ZNF846: variants seen among roughly 807,000 people sequenced by gnomAD.
ZNF846 encodes the protein zinc finger protein 846.
ZNF846 carries 15 observed loss-of-function variants against 16.0 expected under a neutral mutation model. The ratio of observed to expected loss-of-function variants is 0.94; its 90% CI spans 0.63 to 1.45. The LOEUF is 1.45. ZNF846 is among the 40% of genes most tolerant of loss of function. The pLI, the probability that ZNF846 is intolerant of heterozygous loss-of-function variation, is 0.00. For missense variants in ZNF846, 714 were observed against 622.3 expected, an observed-to-expected ratio of 1.15 and a Z score of -1.57; for synonymous variants, 229 against 212.0, an observed-to-expected ratio of 1.08 and a Z score of -0.70.
chr19:9,757,240 T>A (rs188276719), downstream of ZNF846, among the ~76,000 whole-genome samples: 1 of 151,632 alleles, frequency 6.6e-6, no homozygotes, highest in Non-Finnish European at 1.5e-5. Context: ...AACAAAGGCT[T>A]TACCACATGC....
intron 1 of ZNF846, among the ~76,000 whole-genome samples, chr19:9,765,282 G>A (rs1487849611): frequency 6.6e-6 from 1 of 152,196 alleles, no homozygotes; most frequent in African/African-American, 2.4e-5. Context: ...GGCCGAGGTG[G>A]GGGAATCACT....
chr19:9,765,975 GA>G (rs1425564270), intron 1 of ZNF846, among the ~76,000 whole-genome samples: 1 of 151,808 alleles, frequency 6.6e-6, no homozygotes, highest in Non-Finnish European at 1.5e-5. Flanking sequence ...AAGAATAAAA[GA>G]AAAAATACTC....
rs1333053563 is a variant in ZNF846, at chr19:9,762,047, C to T, written c.229+35G>A. 20 of 1,562,288 alleles carry T rather than the reference C, an allele frequency of 1.3e-5. No individual in the cohort carries two copies. The Admixed American group carries it at 3.0e-4, about 23-fold the overall frequency. On this transcript the variant is annotated intron_variant, in intron 4 of 5. Transcript: ENST00000397902. ...CTGCATGTCTCCTAGGGTGGCACAG[C>T]AGTGCCATAATACCACATCTGCTTA...
At chr19:9,768,916 GATCA>G (rs1330860292), upstream of ZNF846, among the ~76,000 whole-genome samples, 2 of 152,060 alleles carry the variant, frequency 1.3e-5, no homozygotes, top group Non-Finnish European at 2.9e-5. Context: ...CCAGGATCCA[GATCA>G]ATCTGTCGAT....
At position 9,776,212 on chromosome 19, in the gene ZNF846, G is replaced by C. The variant is rs117085323; in HGVS notation, c.-86+9726C>G. ...AAAGGGAGTCTCCTTTTCCCCGGGGGGGTTTATAGAAGACTCTGCTCCTCC... is the reference window on the plus strand; with the variant it reads ...AAAGGGAGTCTCCTTTTCCCCGGGGCGGTTTATAGAAGACTCTGCTCCTCC... On this transcript the variant is annotated intron_variant, in intron 1 of 4. Transcript: ENST00000586814. Among the ~76,000 whole-genome samples the C allele has an allele frequency of 3.9e-3, 593 of 152,306 alleles. 4 individuals carry two copies. The highest frequency in any genetic ancestry group is 7.6e-3 in the Admixed American group (116 of 15,300).
exon 1 of ZNF846, chr19:9,768,605 T>C (rs2045357615): frequency 6.6e-6 from 1 of 152,098 alleles, no homozygotes; most frequent in Admixed American, 6.6e-5. Flanking sequence ...CTAGCAGAAG[T>C]CCGGAGCGTC....
downstream of ZNF846, among the ~76,000 whole-genome samples, chr19:9,748,719 G>C (rs913663886): frequency 6.6e-6 from 1 of 152,050 alleles, no homozygotes. Context: ...AAAAAGACTG[G>C]ACAGTACTTT....
chr19:9,778,468 C>T (rs1049533974), intron 1 of ZNF846, among the ~76,000 whole-genome samples: 1 of 152,032 alleles, frequency 6.6e-6, no homozygotes, highest in Non-Finnish European at 1.5e-5. Flanking sequence ...GACCTACCTC[C>T]CAATTTACAG....
At chr19:9,784,014 A>AT (rs962105619) in intron 1 of ZNF846, among the ~76,000 whole-genome samples, 14 of 151,818 alleles carry the variant, frequency 9.2e-5, no homozygotes, top group East Asian at 1.9e-4. Flanking sequence ...GATAATGGTG[A>AT]TTTTTTTTCC....
chr19:9,752,513 G>T, downstream of ZNF846: 1 of 287,700 alleles, frequency 3.5e-6, no homozygotes, highest in Non-Finnish European at 7.3e-6. Context: ...TACTCGGGAG[G>T]CTGAAGCAGG....
At chr19:9,754,022 T>G (rs985253924), downstream of ZNF846, among the ~76,000 whole-genome samples, 3 of 151,724 alleles carry the variant, frequency 2.0e-5, no homozygotes, top group Non-Finnish European at 2.9e-5. Flanking sequence ...TTTTTCCCTT[T>G]AATTTTGCCA....
chr19:9,773,365 A>T (rs1224356109), upstream of ZNF846, among the ~76,000 whole-genome samples: 1 of 152,156 alleles, frequency 6.6e-6, no homozygotes, highest in East Asian at 1.9e-4. Context: ...AGAAAAATAG[A>T]AATTAGTGAA....
chr19:9,765,443 C>T (rs538026966), intron 1 of ZNF846, among the ~76,000 whole-genome samples: 6 of 152,060 alleles, frequency 3.9e-5, no homozygotes, highest in East Asian at 1.9e-4. Context: ...GAGGCCGAGG[C>T]GGGTGGATCA....
chr19:9,752,614 CAAA>C (rs34675292), downstream of ZNF846, among the ~76,000 whole-genome samples: 13,434 of 91,192 alleles, frequency 0.15, 899 homozygotes, highest in Admixed American at 0.26. Context: ...GACTTCATCC[CAAA>C]AAAAAAAAAA....
chr19:9,770,223 T>A (rs2045377995), upstream of ZNF846, among the ~76,000 whole-genome samples: 1 of 152,076 alleles, frequency 6.6e-6, no homozygotes, highest in Non-Finnish European at 1.5e-5. Flanking sequence ...CTAGCCATGA[T>A]CACCCAATCT....
At chr19:9,757,212 AT>A, downstream of ZNF846, among the ~76,000 whole-genome samples, 1 of 151,672 alleles carries the variant, frequency 6.6e-6, no homozygotes, top group Non-Finnish European at 1.5e-5. Context: ...AAAAAGAAAA[AT>A]AAACAATAGT....
At chr19:9,772,560 G>A (rs763987347), upstream of ZNF846, among the ~76,000 whole-genome samples, 10 of 150,160 alleles carry the variant, frequency 6.7e-5, no homozygotes, top group East Asian at 3.9e-4. Context: ...AGATCATACC[G>A]TTGCACTCCA....
chr19:9,778,865 A>G (rs1054926092), intron 1 of ZNF846, among the ~76,000 whole-genome samples: 2 of 150,380 alleles, frequency 1.3e-5, no homozygotes, highest in African/African-American at 4.9e-5. Flanking sequence ...GCTGGATTCC[A>G]ACTCCTGGGC....
intron 1 of ZNF846, among the ~76,000 whole-genome samples, chr19:9,780,341 C>T (rs1233202379): frequency 6.6e-6 from 1 of 151,976 alleles, no homozygotes; most frequent in African/African-American, 2.4e-5. Flanking sequence ...ATAACTAGGA[C>T]TACAGGCATG....
Sources: gnomAD v4.1 joint callset for allele counts (sites outside exome capture counted in the v4.1 genomes callset) on GRCh38, gnomAD v4.1.1 for gene constraint, MANE v1.5 for transcripts, NCBI Gene and HGNC (gene_info 2026-07-23, HGNC 2026-07-21) for gene names.